Variants in EDN1 observed in about 807,000 individuals in gnomAD.
EDN1 encodes the protein endothelin-1.
Under a neutral mutation model 21.7 loss-of-function variants are expected in EDN1, and 11 were observed. That is an observed-to-expected ratio of 0.51 (90% CI 0.32 to 0.84). The LOEUF (loss-of-function observed/expected upper bound fraction) is 0.84. EDN1 is among the 40% of genes least tolerant of loss of function. The pLI is 0.03. For synonymous variants in EDN1, 85 were observed against 90.6 expected, an observed-to-expected ratio of 0.94 and a Z score of 0.35; for missense variants, 244 against 262.3, an observed-to-expected ratio of 0.93 and a Z score of 0.48.
chr6:12,295,843 T>C, intron 4 of EDN1, 119 bp from the exon 5 acceptor site: 1 of 924,152 alleles, frequency 1.1e-6, no homozygotes, highest in East Asian at 2.7e-5. Context: ...CGGCGGGTGG[T>C]GAAAGTTCAC....
At chr6:12,278,346 C>A in the EDN1 span, among the ~76,000 whole-genome samples, 1 of 152,242 alleles carries the variant, frequency 6.6e-6, no homozygotes, top group Non-Finnish European at 1.5e-5. Flanking sequence ...TTCCTCAAGC[C>A]ACTAGATAGC....
the EDN1 span, among the ~76,000 whole-genome samples, chr6:12,272,702 G>A: frequency 7.9e-5 from 12 of 151,098 alleles, no homozygotes; most frequent in South Asian, 6.3e-4. Context: ...CCTGACCTCC[G>A]GTGATCCACC....
chr6:12,284,460 C>T, the EDN1 span, among the ~76,000 whole-genome samples: 1,441 of 151,238 alleles, frequency 9.5e-3, 26 homozygotes, highest in African/African-American at 0.033. Flanking sequence ...TGCAGTGAGC[C>T]GTGATTGCAC....
upstream of EDN1, among the ~76,000 whole-genome samples, chr6:12,286,948 C>A (rs554723966): frequency 6.6e-6 from 1 of 152,076 alleles, no homozygotes; most frequent in Non-Finnish European, 1.5e-5. Context: ...ATCCCTATCT[C>A]TACGAAAAAA....
At chr6:12,258,997 C>G in the EDN1 span, among the ~76,000 whole-genome samples, 1 of 152,122 alleles carries the variant, frequency 6.6e-6, no homozygotes, top group South Asian at 2.1e-4. Flanking sequence ...TTATAATGAT[C>G]ACTATAATTC....
the EDN1 span, among the ~76,000 whole-genome samples, chr6:12,277,339 G>A: frequency 1.3e-5 from 2 of 152,200 alleles, no homozygotes; most frequent in African/African-American, 2.4e-5. Context: ...TAAAACAATA[G>A]TGAACATTTA....
At chr6:12,232,451 C>A in the EDN1 span, among the ~76,000 whole-genome samples, 3 of 151,758 alleles carry the variant, frequency 2.0e-5, no homozygotes, top group Non-Finnish European at 2.9e-5. Context: ...TCATAAAATT[C>A]AGAGAAGCTG....
chr6:12,264,698 A>C, the EDN1 span, among the ~76,000 whole-genome samples: 1 of 152,194 alleles, frequency 6.6e-6, no homozygotes, highest in African/African-American at 2.4e-5. Context: ...GCCATCCTGG[A>C]CCACATGCTG....
upstream of EDN1, among the ~76,000 whole-genome samples, chr6:12,289,833 T>G (rs1762628689): frequency 6.6e-6 from 1 of 152,166 alleles, no homozygotes; most frequent in African/African-American, 2.4e-5. Context: ...AAAAGTACGT[T>G]GATCTGCCAA....
the EDN1 span, among the ~76,000 whole-genome samples, chr6:12,245,929 G>C: frequency 6.6e-6 from 1 of 152,312 alleles, no homozygotes; most frequent in South Asian, 2.1e-4. Flanking sequence ...TTTACTAGCT[G>C]TTTATAGGTA....
chr6:12,287,135 GAA>G (rs34431567), upstream of EDN1, among the ~76,000 whole-genome samples: 5,227 of 144,008 alleles, frequency 0.036, 325 homozygotes, highest in African/African-American at 0.13. Flanking sequence ...TTAAAATTGA[GAA>G]AAAAAAAAAA....
At chr6:12,294,918 G>GTTTTTTTTTTTT (rs757628744) in intron 4 of EDN1, among the ~76,000 whole-genome samples, 6 of 32,690 alleles carry the variant, frequency 1.8e-4, no homozygotes, top group African/African-American at 4.2e-4. Context: ...CAGGTTTATG[G>GTTTTTTTTTTTT]TCTTTTTTTT....
the EDN1 span, among the ~76,000 whole-genome samples, chr6:12,239,306 A>G: frequency 6.6e-6 from 1 of 152,308 alleles, no homozygotes; most frequent in South Asian, 2.1e-4. Context: ...TAGGATTGCT[A>G]ATTATACTTG....
At chr6:12,260,161 A>G in the EDN1 span, among the ~76,000 whole-genome samples, 1 of 152,176 alleles carries the variant, frequency 6.6e-6, no homozygotes, top group African/African-American at 2.4e-5. Context: ...AAAATTAGTA[A>G]GAGTTCTTGT....
chr6:12,274,235 T>G, the EDN1 span, among the ~76,000 whole-genome samples: 1 of 152,210 alleles, frequency 6.6e-6, no homozygotes, highest in South Asian at 2.1e-4. Context: ...TTTATTTTGA[T>G]GTAGATAAGT....
chr6:12,256,977 AG>A, the EDN1 span, among the ~76,000 whole-genome samples: 1 of 152,212 alleles, frequency 6.6e-6, no homozygotes, highest in African/African-American at 2.4e-5. Flanking sequence ...TTTCATGAGG[AG>A]GTAAAACTAA....
the EDN1 span, among the ~76,000 whole-genome samples, chr6:12,236,378 C>T: frequency 1.3e-5 from 2 of 152,078 alleles, no homozygotes; most frequent in African/African-American, 2.4e-5. Context: ...CTGCCTCAGC[C>T]TTCCCAGTAG....
At chr6:12,269,924 G>T in the EDN1 span, among the ~76,000 whole-genome samples, 4 of 152,062 alleles carry the variant, frequency 2.6e-5, no homozygotes, top group Non-Finnish European at 5.9e-5. Flanking sequence ...CAGCAGTGAA[G>T]CCACTTGGTC....
At chr6:12,261,818 G>A in the EDN1 span, among the ~76,000 whole-genome samples, 2 of 152,156 alleles carry the variant, frequency 1.3e-5, no homozygotes, top group African/African-American at 2.4e-5. Flanking sequence ...AAGACATATG[G>A]TTACAGTTAA....
Sources: gnomAD v4.1 joint callset for allele counts (sites outside exome capture counted in the v4.1 genomes callset) on GRCh38, gnomAD v4.1.1 for gene constraint, MANE v1.5 for transcripts, NCBI Gene and HGNC (gene_info 2026-07-23, HGNC 2026-07-21) for gene names.